The following CELF2 variants were observed in gnomAD, a reference collection of about 807,000 sequenced individuals.
CELF2 encodes the protein CUG triplet repeat RNA-binding protein 2.
In CELF2, 8 loss-of-function variants were observed where a neutral mutation model predicts 62.6. The ratio of observed to expected loss-of-function variants is 0.13; its 90% CI spans 0.07 to 0.23. The LOEUF (loss-of-function observed/expected upper bound fraction) is 0.23, where lower values mean the gene tolerates loss of function less well. Among genes scored for constraint, CELF2 ranks in the 10% least tolerant of loss-of-function variants. The pLI is 1.00. For synonymous variants in CELF2, 258 were observed against 250.0 expected, an observed-to-expected ratio of 1.03 and a Z score of -0.30; for missense variants, 333 against 671.0, an observed-to-expected ratio of 0.50 and a Z score of 5.56.
chr10:10,968,121 G>A (rs770226371), intron 2 of CELF2, among the ~76,000 whole-genome samples: 71 of 150,610 alleles, frequency 4.7e-4, no homozygotes, highest in Non-Finnish European at 6.4e-4. Context: ...GTTATAGAAA[G>A]GTCAACAAAA....
chr10:10,639,324 A>G, the CELF2 span, among the ~76,000 whole-genome samples: 1 of 152,250 alleles, frequency 6.6e-6, no homozygotes, highest in Non-Finnish European at 1.5e-5. Context: ...ATTATGCTGC[A>G]AACTGCACTG....
the CELF2 span, among the ~76,000 whole-genome samples, chr10:10,658,857 C>T: frequency 1.3e-5 from 2 of 151,926 alleles, no homozygotes; most frequent in South Asian, 4.2e-4. Flanking sequence ...GACATCTTGC[C>T]TGGATAACAC....
intron 1 of CELF2, among the ~76,000 whole-genome samples, chr10:11,045,332 G>A (rs1263769308): frequency 5.3e-5 from 8 of 152,096 alleles, no homozygotes; most frequent in Admixed American, 5.2e-4. Flanking sequence ...AGAACTCCCG[G>A]CCTCAAGCAG....
chr10:10,689,068 G>C, the CELF2 span, among the ~76,000 whole-genome samples: 3,451 of 152,200 alleles, frequency 0.023, 119 homozygotes, highest in African/African-American at 0.078. Context: ...TCATTTCTGA[G>C]TTCCATAATT....
At chr10:10,624,618 C>T in the CELF2 span, among the ~76,000 whole-genome samples, 23 of 152,276 alleles carry the variant, frequency 1.5e-4, no homozygotes, top group Middle Eastern at 3.4e-3. Flanking sequence ...TCATGTTTTC[C>T]GCACAGAAAC....
At chr10:10,720,404 C>T in the CELF2 span, among the ~76,000 whole-genome samples, 7 of 152,086 alleles carry the variant, frequency 4.6e-5, no homozygotes, top group Admixed American at 2.0e-4. Context: ...TTTGGGTGAT[C>T]GCGTAAATGA....
At chr10:10,650,126 G>C in the CELF2 span, among the ~76,000 whole-genome samples, 1 of 152,212 alleles carries the variant, frequency 6.6e-6, no homozygotes, top group Non-Finnish European at 1.5e-5. Flanking sequence ...ATAGAGGACA[G>C]TGCAAAGTTC....
the CELF2 span, among the ~76,000 whole-genome samples, chr10:10,627,881 T>C: frequency 6.6e-6 from 1 of 152,196 alleles, no homozygotes; most frequent in Non-Finnish European, 1.5e-5. Context: ...TTTGGAACCA[T>C]GCAGATGCCT....
intron 2 of CELF2, among the ~76,000 whole-genome samples, chr10:11,192,646 T>C (rs549554235): frequency 2.6e-5 from 4 of 152,156 alleles, no homozygotes; most frequent in Non-Finnish European, 4.4e-5. Context: ...GGAGATCCGA[T>C]CTGGACAGTA....
In CELF2 at chr10:11,306,017, T is replaced by C. The variant is rs891348382; in HGVS notation, c.977-8122T>C. On this transcript the variant is annotated intron_variant, in intron 9 of 12. Transcript: ENST00000633077. The surrounding 1 kb of genome is among the most constrained non-coding windows in gnomAD (Gnocchi z 4.4). Reference sequence around the variant, plus strand: ...ATCCTTGCCTGCTCAACCATTCTCTTTCCTGGCACGCCAGCTGGCCTGAAC... The same window carrying C: ...ATCCTTGCCTGCTCAACCATTCTCTCTCCTGGCACGCCAGCTGGCCTGAAC... Among the ~76,000 whole-genome samples, 1 of 152,200 alleles carries C rather than the reference T, an allele frequency of 6.6e-6. No individual in the cohort carries two copies. The highest frequency in any genetic ancestry group is 6.5e-5 in the Admixed American group (1 of 15,286).
chr10:11,273,968 A>ACCCCCCCCCCCCCCCC (rs10612614), intron 7 of CELF2, among the ~76,000 whole-genome samples: 46 of 96,468 alleles, frequency 4.8e-4, no homozygotes, highest in Non-Finnish European at 6.6e-4. Context: ...AGTGATCCCC[A>ACCCCCCCCCCCCCCCC]CCCCCCCCCC....
At chr10:10,817,579 G>T (rs1273231346) in intron 1 of CELF2, among the ~76,000 whole-genome samples, 1 of 152,078 alleles carries the variant, frequency 6.6e-6, no homozygotes, top group Non-Finnish European at 1.5e-5. Flanking sequence ...TACAGTGTTT[G>T]TCTTCCTGTG....
the CELF2 span, among the ~76,000 whole-genome samples, chr10:10,724,668 AAAG>A: frequency 6.0e-5 from 9 of 149,814 alleles, 1 homozygote; most frequent in Non-Finnish European, 1.0e-4. Flanking sequence ...AAAAAAAAAA[AAAG>A]AAAAAAGAAA....
the CELF2 span, among the ~76,000 whole-genome samples, chr10:10,678,633 G>A: frequency 8.5e-5 from 13 of 152,188 alleles, no homozygotes; most frequent in African/African-American, 3.1e-4. Context: ...TGCACCAAAT[G>A]CATCTCTGTG....
chr10:10,546,835 C>T, the CELF2 span, among the ~76,000 whole-genome samples: 1 of 151,556 alleles, frequency 6.6e-6, no homozygotes, highest in Non-Finnish European at 1.5e-5. Context: ...AGCCAGGTGC[C>T]GTAGCTCATG....
chr10:11,052,339 C>G (rs1172658848), intron 1 of CELF2, among the ~76,000 whole-genome samples: 2 of 152,166 alleles, frequency 1.3e-5, no homozygotes, highest in Admixed American at 1.3e-4. Flanking sequence ...AAGACATTGC[C>G]AAAGTTAGTT....
At chr10:10,622,311 T>C in the CELF2 span, among the ~76,000 whole-genome samples, 1 of 152,128 alleles carries the variant, frequency 6.6e-6, no homozygotes, top group East Asian at 1.9e-4. Context: ...GTGATTCTTA[T>C]AAGATGCCAA....
the CELF2 span, among the ~76,000 whole-genome samples, chr10:10,467,570 T>A: frequency 6.6e-6 from 1 of 152,218 alleles, no homozygotes; most frequent in African/African-American, 2.4e-5. Context: ...CATTTTGATA[T>A]AAATTTTAGA....
At chr10:11,128,788 G>C (rs983521347) in intron 1 of CELF2, among the ~76,000 whole-genome samples, 23 of 152,138 alleles carry the variant, frequency 1.5e-4, no homozygotes, top group African/African-American at 2.2e-4. Flanking sequence ...CTGAGATGAT[G>C]GGGTGTTCTA....
Sources: allele counts gnomAD v4.1 joint callset (sites outside exome capture counted in the v4.1 genomes callset), GRCh38; gene constraint gnomAD v4.1.1; non-coding constraint Gnocchi (gnomAD v3.1); transcripts MANE v1.5; gene names NCBI Gene and HGNC (gene_info 2026-07-23, HGNC 2026-07-21).